The following INPP4B variants were observed in gnomAD, a reference collection of about 807,000 sequenced individuals.
The protein encoded by INPP4B is inositol polyphosphate-4-phosphatase type II B.
Under a neutral mutation model 122.5 loss-of-function variants are expected in INPP4B, and 55 were observed. The observed-to-expected ratio is 0.45, with a 90% CI of 0.36 to 0.56. INPP4B has a LOEUF of 0.56. INPP4B is among the 20% of genes least tolerant of loss of function. The pLI is 0.00. For missense variants in INPP4B, 1,000 were observed against 1,097.7 expected, an observed-to-expected ratio of 0.91 and a Z score of 1.26; for synonymous variants, 403 against 388.7, an observed-to-expected ratio of 1.04 and a Z score of -0.43.
chr4:142,368,682 G>C (rs984167737), intron 7 of INPP4B, among the ~76,000 whole-genome samples: 1 of 150,474 alleles, frequency 6.6e-6, no homozygotes, highest in Non-Finnish European at 1.5e-5. Context: ...TATGGGATGA[G>C]AGAAAATGAT....
At chr4:142,720,879 GCTGGA>G (rs1463840356) in intron 2 of INPP4B, among the ~76,000 whole-genome samples, 1 of 119,142 alleles carries the variant, frequency 8.4e-6, no homozygotes, top group Non-Finnish European at 1.7e-5. Flanking sequence ...TGTCACCCAG[GCTGGA>G]GTGCATCTCG....
At chr4:142,401,609 G>C (rs1801604763) in intron 7 of INPP4B, among the ~76,000 whole-genome samples, 1 of 152,006 alleles carries the variant, frequency 6.6e-6, no homozygotes, top group South Asian at 2.1e-4. Context: ...AGCAATAATA[G>C]CAGTAACTTA....
chr4:142,466,860 A>G (rs1817887310), intron 2 of INPP4B, among the ~76,000 whole-genome samples: 2 of 152,064 alleles, frequency 1.3e-5, no homozygotes, highest in Admixed American at 1.3e-4. Flanking sequence ...ATCTCTAACC[A>G]TGGCTCAATG....
At chr4:142,549,615 C>T (rs1727496254) in intron 2 of INPP4B, among the ~76,000 whole-genome samples, 1 of 152,076 alleles carries the variant, frequency 6.6e-6, no homozygotes, top group Non-Finnish European at 1.5e-5. Flanking sequence ...AAAATAAGTA[C>T]AACGAAAGGG....
At chr4:142,521,051 C>G (rs546998087) in intron 2 of INPP4B, among the ~76,000 whole-genome samples, 30 of 151,938 alleles carry the variant, frequency 2.0e-4, no homozygotes, top group African/African-American at 7.0e-4. Context: ...TCAGAAAAAT[C>G]AAACAAACCC....
chr4:142,148,578 G>A (rs1167086058), intron 17 of INPP4B, among the ~76,000 whole-genome samples: 1 of 152,178 alleles, frequency 6.6e-6, no homozygotes, highest in Non-Finnish European at 1.5e-5. Flanking sequence ...ATAAAGGAAT[G>A]TAAGGGATAG....
At chr4:142,281,012 A>G in intron 9 of INPP4B, among the ~76,000 whole-genome samples, 1 of 152,036 alleles carries the variant, frequency 6.6e-6, no homozygotes, top group African/African-American at 2.4e-5. Context: ...CCAGTGATGC[A>G]TAAATCAGCT....
chr4:142,677,135 C>G (rs1757930281), intron 2 of INPP4B, among the ~76,000 whole-genome samples: 1 of 152,022 alleles, frequency 6.6e-6, no homozygotes, highest in African/African-American at 2.4e-5. Flanking sequence ...AGAACTTAAA[C>G]AGATGTACAA....
intron 7 of INPP4B, among the ~76,000 whole-genome samples, chr4:142,393,534 A>C (rs769941080): frequency 2.0e-5 from 3 of 152,246 alleles, no homozygotes; most frequent in Non-Finnish European, 4.4e-5. Flanking sequence ...GACATTAATG[A>C]CTAAAGTTTT....
At position 142,210,454 on chromosome 4, in the gene INPP4B, G is replaced by GA. The variant is rs772217195; in HGVS notation, c.837-1429dup. ...ATTAATCAATAAATAATAGAGTAAA[G>GA]AAAAAAAAATCATGACCAAAAGAGA... On this transcript the variant is annotated intron_variant, in intron 12 of 25. Coordinates refer to ENST00000262992, the MANE Select transcript of INPP4B (RefSeq NM_001101669.3). Among the ~76,000 whole-genome samples, 14 of 150,916 alleles carry GA rather than the reference G, an allele frequency of 9.3e-5. No individual in the cohort carries two copies. In the East Asian group the frequency reaches 1.6e-3, roughly 17 times the overall value.
At chr4:142,208,838 C>CA (rs1843643825) in intron 13 of INPP4B, 58 bp downstream of exon 13, 2 of 1,235,628 alleles carry the variant, frequency 1.6e-6, no homozygotes, top group South Asian at 2.1e-5. Flanking sequence ...TTTTTTTTTT[C>CA]ATTTCACATG....
intron 2 of INPP4B, among the ~76,000 whole-genome samples, chr4:142,548,780 C>T (rs950149969): frequency 6.7e-6 from 1 of 149,550 alleles, no homozygotes; most frequent in Admixed American, 6.7e-5. Flanking sequence ...TGTGTGTATA[C>T]ATATATATAT....
chr4:142,533,776 A>G (rs527867699), intron 2 of INPP4B, among the ~76,000 whole-genome samples: 1 of 152,312 alleles, frequency 6.6e-6, no homozygotes, highest in South Asian at 2.1e-4. Flanking sequence ...AAGGCAATTC[A>G]TGAACACCCA....
At chr4:142,146,636 C>T (rs556522520) in intron 17 of INPP4B, among the ~76,000 whole-genome samples, 132 of 152,232 alleles carry the variant, frequency 8.7e-4, no homozygotes, top group African/African-American at 3.1e-3. Context: ...GAAGTATGGT[C>T]TTTAGACCAC....
chr4:142,059,925 T>C (rs1263777039), intron 25 of INPP4B, among the ~76,000 whole-genome samples: 1 of 152,192 alleles, frequency 6.6e-6, no homozygotes, highest in African/African-American at 2.4e-5. Flanking sequence ...GACAGCATCG[T>C]GCTACTTAGT....
intron 1 of INPP4B, among the ~76,000 whole-genome samples, chr4:142,750,438 G>A (rs1282487859): frequency 6.6e-6 from 1 of 152,096 alleles, no homozygotes; most frequent in East Asian, 1.9e-4. Context: ...TTTACCAAGT[G>A]GATGGAATGT....
chr4:142,181,049 G>C (rs181717041), intron 15 of INPP4B, among the ~76,000 whole-genome samples: 1 of 152,162 alleles, frequency 6.6e-6, no homozygotes, highest in Non-Finnish European at 1.5e-5. Context: ...CCCACTAAAC[G>C]CTACATGAAG....
intron 1 of INPP4B, among the ~76,000 whole-genome samples, chr4:142,794,229 TTA>T (rs1776932789): frequency 6.6e-6 from 1 of 152,054 alleles, no homozygotes; most frequent in African/African-American, 2.4e-5. Context: ...ATATCAAGTC[TTA>T]TAATTTTTAA....
chr4:142,448,197 C>A (rs1221667112), intron 3 of INPP4B, among the ~76,000 whole-genome samples: 1 of 151,876 alleles, frequency 6.6e-6, no homozygotes, highest in Non-Finnish European at 1.5e-5. Flanking sequence ...GGTTTCCTGG[C>A]CTGTGCGGGC....
Sources: gnomAD v4.1 joint callset for allele counts (sites outside exome capture counted in the v4.1 genomes callset) on GRCh38, gnomAD v4.1.1 for gene constraint, MANE v1.5 for transcripts, NCBI Gene and HGNC (gene_info 2026-07-23, HGNC 2026-07-21) for gene names.